The following TRIM2 variants were observed in gnomAD, a reference collection of about 807,000 sequenced individuals.
TRIM2 encodes the protein tripartite motif containing 2, also known as tripartite motif-containing protein 2.
In TRIM2, 20 loss-of-function variants were observed where a neutral mutation model predicts 75.2. The ratio of observed to expected loss-of-function variants is 0.27; its 90% CI spans 0.19 to 0.39. The LOEUF (loss-of-function observed/expected upper bound fraction) is 0.39, where lower values mean the gene tolerates loss of function less well. TRIM2 is among the 10% of genes least tolerant of loss of function. The pLI is 1.00. For missense variants in TRIM2, 660 were observed against 990.8 expected, an observed-to-expected ratio of 0.67 and a Z score of 4.48; for synonymous variants, 373 against 388.3, an observed-to-expected ratio of 0.96 and a Z score of 0.46.
intron 2 of TRIM2, among the ~76,000 whole-genome samples, chr4:153,270,968 C>T (rs972795138): frequency 1.3e-5 from 2 of 152,112 alleles, no homozygotes; most frequent in Non-Finnish European, 2.9e-5. Flanking sequence ...ATTCTTCAGA[C>T]ACATACTAAT....
intron 1 of TRIM2, among the ~76,000 whole-genome samples, chr4:153,227,636 C>T (rs993891552): frequency 2.0e-5 from 3 of 152,252 alleles, no homozygotes; most frequent in South Asian, 2.1e-4. Flanking sequence ...ATTTGCATCT[C>T]GTTAGCTTGC....
chr4:153,235,049 T>G (rs892300196), intron 1 of TRIM2, among the ~76,000 whole-genome samples: 1 of 152,196 alleles, frequency 6.6e-6, no homozygotes, highest in Non-Finnish European at 1.5e-5. Flanking sequence ...AACACACATA[T>G]GTCTTCAGGT....
intron 3 of TRIM2, among the ~76,000 whole-genome samples, chr4:153,292,201 A>G (rs975651125): frequency 6.6e-6 from 1 of 152,212 alleles, no homozygotes; most frequent in Admixed American, 6.5e-5. Context: ...TATGTGATGT[A>G]TGCTATCACA....
At chr4:153,195,717 G>A (rs963732638) in intron 1 of TRIM2, among the ~76,000 whole-genome samples, 4 of 152,086 alleles carry the variant, frequency 2.6e-5, no homozygotes, top group African/African-American at 4.8e-5. Context: ...TTTTGTTTCC[G>A]CTGTTTGTTC....
chr4:153,250,573 G>A (rs1003791761), intron 1 of TRIM2, among the ~76,000 whole-genome samples: 9 of 152,196 alleles, frequency 5.9e-5, no homozygotes, highest in Non-Finnish European at 1.2e-4. Flanking sequence ...TTCCTCCTTG[G>A]ATAGGGTTGC....
intron 3 of TRIM2, among the ~76,000 whole-genome samples, chr4:153,284,462 C>T (rs552294536): frequency 6.6e-6 from 1 of 152,298 alleles, no homozygotes; most frequent in Non-Finnish European, 1.5e-5. Context: ...CCTTGGCCTC[C>T]CAAAGTGCTG....
intron 1 of TRIM2, among the ~76,000 whole-genome samples, chr4:153,244,144 GTTCTTCTTGTT>G (rs1747507266): frequency 3.1e-5 from 4 of 130,186 alleles, no homozygotes; most frequent in East Asian, 5.0e-4. Context: ...TCTTCTTCTT[GTTCTTCTTGTT>G]CTTCTTCTTC....
At chr4:153,233,438 T>G (rs1408192379) in intron 1 of TRIM2, among the ~76,000 whole-genome samples, 1 of 152,238 alleles carries the variant, frequency 6.6e-6, no homozygotes, top group Non-Finnish European at 1.5e-5. Flanking sequence ...CAAATTCACC[T>G]TTTCTGATGT....
At chr4:153,312,069 C>G in intron 6 of TRIM2, among the ~76,000 whole-genome samples, 1 of 130,094 alleles carries the variant, frequency 7.7e-6, no homozygotes, top group South Asian at 3.1e-4. Context: ...ACCCCCTCCC[C>G]CCACCCCACA....
chr4:153,329,681 C>T (rs1318864437), intron 11 of TRIM2, among the ~76,000 whole-genome samples: 2 of 151,448 alleles, frequency 1.3e-5, no homozygotes, highest in African/African-American at 2.4e-5. Context: ...ACTAAAAATA[C>T]AAAAAATTTG....
At chr4:153,206,776 C>T (rs1735562766) in intron 1 of TRIM2, among the ~76,000 whole-genome samples, 1 of 152,212 alleles carries the variant, frequency 6.6e-6, no homozygotes, top group African/African-American at 2.4e-5. Context: ...GTTCCCCTGG[C>T]AACCAGCCCC....
At chr4:153,258,805 G>A (rs1313644237) in intron 1 of TRIM2, among the ~76,000 whole-genome samples, 1 of 152,178 alleles carries the variant, frequency 6.6e-6, no homozygotes, top group African/African-American at 2.4e-5. Context: ...TTCTTCAAAT[G>A]ACGTCTTAGT....
rs77956340 is a variant in TRIM2, at chr4:153,301,982, C to T, written c.1510+5946C>T. ...ATTTGGGAGTTTTTGTGATTCCATA[C>T]GAATTTTAGGATTGCTTTTTCTATT... On this transcript the variant is annotated intron_variant, in intron 6 of 11. Transcript: ENST00000338700. Among the ~76,000 whole-genome samples the T allele has an allele frequency of 6.8e-3, 1,029 of 152,232 alleles. 12 individuals carry two copies. Among genetic ancestry groups the T allele is most frequent in the African/African-American group, 0.023 (966 of 41,538 alleles).
chr4:153,319,004 T>C (rs1768324583), intron 8 of TRIM2, among the ~76,000 whole-genome samples: 1 of 152,238 alleles, frequency 6.6e-6, no homozygotes. Context: ...AAAAACACTT[T>C]AGGACCCTCA....
chr4:153,154,388 T>C (rs1729028617), intron 1 of TRIM2, among the ~76,000 whole-genome samples: 1 of 152,234 alleles, frequency 6.6e-6, no homozygotes, highest in South Asian at 2.1e-4. Context: ...CAGGACCCTG[T>C]GTTGGGAGTG....
At chr4:153,220,046 C>T (rs1036719398) in intron 1 of TRIM2, among the ~76,000 whole-genome samples, 2 of 152,034 alleles carry the variant, frequency 1.3e-5, no homozygotes, top group Non-Finnish European at 2.9e-5. Flanking sequence ...TCCCATGTGG[C>T]TATGGCAATG....
At position 153,295,378 on chromosome 4, in the gene TRIM2, C is replaced by T; in HGVS notation, c.852C>T (p.Phe284=). The change falls in exon 6 of 12, where the codon TTC becomes TTT. Residue 284 remains phenylalanine (F), a synonymous_variant. Transcript: ENST00000338700. This position sits in a 1 kb window ranked among gnomAD's most constrained non-coding sequence, Gnocchi z 7.2. Reference sequence around the variant, plus strand: ...AGAGCATTAAGAGCTGCAGCAACTTCACAGCGCAGGCCCTCAACCATGGCA... The same window carrying T: ...AGAGCATTAAGAGCTGCAGCAACTTTACAGCGCAGGCCCTCAACCATGGCA... ...GQESIKSCSN[F]TAQALNHGTE... is the part of the protein sequence containing the mutation. 1 of 1,613,848 alleles carries T rather than the reference C, an allele frequency of 6.2e-7. No homozygotes were observed. Among genetic ancestry groups the T allele is most frequent in the Non-Finnish European group, 8.5e-7 (1 of 1,179,850 alleles).
At chr4:153,271,027 A>G (rs1756548221) in intron 2 of TRIM2, among the ~76,000 whole-genome samples, 2 of 152,218 alleles carry the variant, frequency 1.3e-5, no homozygotes, top group Admixed American at 1.3e-4. Flanking sequence ...AATATATATT[A>G]AATAAATTAC....
chr4:153,275,986 G>C lies in TRIM2; in HGVS notation c.309G>C (p.Ala103=). Reference sequence around the variant, plus strand: ...TCCTGCCCGAGAAAGGGGTGGCCGCGCTCCAGAACAATTTCTTCATCACAA... The same window carrying C: ...TCCTGCCCGAGAAAGGGGTGGCCGCCCTCCAGAACAATTTCTTCATCACAA... ...TSILPEKGVA[A]LQNNFFITNL... is the part of the protein sequence containing the mutation. The change falls in exon 3 of 12, where the codon GCG becomes GCC. Residue 103 remains alanine (A), a synonymous_variant. Coordinates refer to ENST00000338700, the MANE Select transcript of TRIM2 (RefSeq NM_015271.5). 1 of 1,614,148 alleles carries C rather than the reference G, an allele frequency of 6.2e-7. No individual in the cohort carries two copies. Among genetic ancestry groups the C allele is most frequent in the Non-Finnish European group, 8.5e-7 (1 of 1,180,030 alleles).
Sources: allele counts gnomAD v4.1 joint callset (sites outside exome capture counted in the v4.1 genomes callset), GRCh38; gene constraint gnomAD v4.1.1; non-coding constraint Gnocchi (gnomAD v3.1); transcripts MANE v1.5; gene names NCBI Gene and HGNC (gene_info 2026-07-23, HGNC 2026-07-21).